CADM2: variants seen among roughly 807,000 people sequenced by gnomAD.
CADM2 encodes cell adhesion molecule 2, also known as immunoglobulin superfamily member 4D.
In CADM2, 12 loss-of-function variants were observed where a neutral mutation model predicts 49.8. That is an observed-to-expected ratio of 0.24 (90% confidence interval 0.15 to 0.39). The LOEUF (loss-of-function observed/expected upper bound fraction) is 0.39. Among genes scored for constraint, CADM2 ranks in the 10% least tolerant of loss-of-function variants. The pLI, the probability that CADM2 is intolerant of heterozygous loss-of-function variation, is 1.00. For synonymous variants in CADM2, 214 were observed against 175.4 expected (o/e 1.22, Z -1.74); for missense variants, 378 against 492.3 (o/e 0.77, Z 2.20).
chr3:85,454,631 A>G (rs1308138515), intron 1 of CADM2, among the ~76,000 whole-genome samples: 1 of 152,180 alleles, frequency 6.6e-6, no homozygotes, highest in Non-Finnish European at 1.5e-5. Context: ...TGTCAAAATG[A>G]CACAGTCAAT....
intron 1 of CADM2, among the ~76,000 whole-genome samples, chr3:85,635,860 T>C (rs966790441): frequency 1.3e-5 from 2 of 152,166 alleles, no homozygotes; most frequent in Admixed American, 1.3e-4. Context: ...TCATGTCCCT[T>C]AAGAGTATAA....
chr3:85,233,852 G>T (rs1402988047), intron 1 of CADM2, among the ~76,000 whole-genome samples: 1 of 151,978 alleles, frequency 6.6e-6, no homozygotes, highest in East Asian at 1.9e-4. Flanking sequence ...TAAAAAAATA[G>T]TTCAAAGTAT....
intron 3 of CADM2, among the ~76,000 whole-genome samples, chr3:85,868,853 T>C (rs2075816241): frequency 6.6e-6 from 1 of 152,194 alleles, no homozygotes; most frequent in Admixed American, 6.5e-5. Flanking sequence ...TTTACATAGC[T>C]TTGACTGCTT....
At chr3:85,406,938 G>A (rs1055394031) in intron 1 of CADM2, among the ~76,000 whole-genome samples, 2 of 152,094 alleles carry the variant, frequency 1.3e-5, no homozygotes, top group Non-Finnish European at 2.9e-5. Context: ...GGTCATGCCC[G>A]TAATTGCCTC....
chr3:85,298,586 A>G (rs1469580665), intron 1 of CADM2, among the ~76,000 whole-genome samples: 1 of 152,126 alleles, frequency 6.6e-6, no homozygotes, highest in Non-Finnish European at 1.5e-5. Context: ...AGGAAATTCA[A>G]GAGAGAGCTT....
At chr3:85,347,082 G>A (rs1340533905) in intron 1 of CADM2, among the ~76,000 whole-genome samples, 2 of 151,834 alleles carry the variant, frequency 1.3e-5, no homozygotes, top group Non-Finnish European at 2.9e-5. Flanking sequence ...AATTAGCCAG[G>A]TATGGTGGTG....
intron 1 of CADM2, among the ~76,000 whole-genome samples, chr3:85,340,075 A>G (rs1382792990): frequency 6.6e-6 from 1 of 151,450 alleles, no homozygotes; most frequent in Non-Finnish European, 1.5e-5. Context: ...AATATATGAA[A>G]AGCATGTGAA....
At chr3:85,283,891 T>C in intron 1 of CADM2, among the ~76,000 whole-genome samples, 1 of 152,156 alleles carries the variant, frequency 6.6e-6, no homozygotes, top group East Asian at 1.9e-4. Flanking sequence ...AAGAAGGACA[T>C]ATCTAAGCCT....
chr3:85,824,414 G>GA (rs897631981), intron 3 of CADM2, among the ~76,000 whole-genome samples: 4 of 151,014 alleles, frequency 2.6e-5, no homozygotes, highest in African/African-American at 9.7e-5. Context: ...TTTTTTTTAA[G>GA]AAAAAACAAA....
At chr3:85,560,359 A>G (rs947404784) in intron 1 of CADM2, among the ~76,000 whole-genome samples, 1 of 152,232 alleles carries the variant, frequency 6.6e-6, no homozygotes, top group Non-Finnish European at 1.5e-5. Context: ...AGTCCAAGCA[A>G]GGTAGCAATT....
chr3:85,497,359 CTT>C (rs949108556), intron 1 of CADM2, among the ~76,000 whole-genome samples: 22 of 152,128 alleles, frequency 1.4e-4, no homozygotes, highest in African/African-American at 5.1e-4. Context: ...CATTTCTTTA[CTT>C]TAAGCCTATA....
chr3:85,925,034 C>T (rs1453081069), intron 6 of CADM2, among the ~76,000 whole-genome samples: 4 of 152,058 alleles, frequency 2.6e-5, no homozygotes, highest in Non-Finnish European at 5.9e-5. Context: ...TGCCTTAAAT[C>T]CCTTCTTTTC....
chr3:85,917,229 T>A (rs187019971), intron 6 of CADM2, among the ~76,000 whole-genome samples: 90 of 152,314 alleles, frequency 5.9e-4, no homozygotes, highest in Non-Finnish European at 1.1e-3. Flanking sequence ...GTTTTAGTCA[T>A]GAAGTCCTTG....
chr3:85,332,707 C>G (rs1006259038), intron 1 of CADM2, among the ~76,000 whole-genome samples: 1 of 151,836 alleles, frequency 6.6e-6, no homozygotes, highest in African/African-American at 2.4e-5. Context: ...AGCTAAATTC[C>G]ATACATTTTA....
chr3:85,668,934 A>G (rs960933462), intron 1 of CADM2, among the ~76,000 whole-genome samples: 4 of 152,158 alleles, frequency 2.6e-5, no homozygotes, highest in African/African-American at 7.2e-5. Flanking sequence ...TATGGATTTC[A>G]TAGGTCATAT....
chr3:85,651,551 A>G (rs2065042056), intron 1 of CADM2, among the ~76,000 whole-genome samples: 1 of 152,212 alleles, frequency 6.6e-6, no homozygotes, highest in Non-Finnish European at 1.5e-5. Context: ...AGACTCAAAG[A>G]AACAGATATA....
chr3:85,711,021 C>T (rs1271518144), intron 1 of CADM2, among the ~76,000 whole-genome samples: 2 of 152,048 alleles, frequency 1.3e-5, no homozygotes, highest in East Asian at 3.9e-4. Flanking sequence ...TTTGAAAATC[C>T]TGAGAATTAA....
chr3:85,291,879 A>G (rs970838364), intron 1 of CADM2, among the ~76,000 whole-genome samples: 3 of 150,914 alleles, frequency 2.0e-5, no homozygotes, highest in Non-Finnish European at 4.4e-5. Flanking sequence ...AACTGCATCA[A>G]CTAACGAGCA....
chr3:85,886,807 G>C (rs901370457), intron 5 of CADM2, among the ~76,000 whole-genome samples: 6 of 152,090 alleles, frequency 3.9e-5, no homozygotes. Flanking sequence ...AGGCAAAAAT[G>C]TGTACTTGTC....
Sources: gnomAD v4.1 joint callset for allele counts (sites outside exome capture counted in the v4.1 genomes callset) on GRCh38, gnomAD v4.1.1 for gene constraint, MANE v1.5 for transcripts, NCBI Gene and HGNC (gene_info 2026-07-23, HGNC 2026-07-21) for gene names.